The following OR51B5 variants were observed in gnomAD, a reference collection of about 807,000 sequenced individuals.
OR51B5 encodes the protein olfactory receptor family 51 subfamily B member 5.
For synonymous variants in OR51B5, 186 were observed against 144.8 expected, an observed-to-expected ratio of 1.28 and a Z score of -2.04; for missense variants, 456 against 374.6, an observed-to-expected ratio of 1.22 and a Z score of -1.79.
intron 1 of OR51B5, among the ~76,000 whole-genome samples, chr11:5,501,254 G>C (rs527493528): frequency 6.8e-5 from 10 of 147,688 alleles, no homozygotes; most frequent in African/African-American, 2.4e-4. Flanking sequence ...ACCTATGCCT[G>C]GGCTACAATA....
intron 1 of OR51B5, among the ~76,000 whole-genome samples, chr11:5,380,444 G>C (rs1406232902): frequency 6.6e-6 from 1 of 152,174 alleles, no homozygotes; most frequent in Non-Finnish European, 1.5e-5. Flanking sequence ...CTTCTGGGAA[G>C]GACTTGTTCT....
At chr11:5,395,445 C>T (rs888929456) in intron 1 of OR51B5, among the ~76,000 whole-genome samples, 1 of 152,138 alleles carries the variant, frequency 6.6e-6, no homozygotes, top group East Asian at 1.9e-4. Flanking sequence ...TGGAATAGGG[C>T]AGCTTCCAGG....
chr11:5,505,517 G>A (rs1846359570), intron 1 of OR51B5: 7 of 1,248,002 alleles, frequency 5.6e-6, no homozygotes, highest in African/African-American at 1.6e-5. Context: ...TGCTAATGAA[G>A]ATATACCCGA....
At chr11:5,500,219 C>T (rs1229466818) in intron 1 of OR51B5, among the ~76,000 whole-genome samples, 1 of 152,178 alleles carries the variant, frequency 6.6e-6, no homozygotes, top group Non-Finnish European at 1.5e-5. Flanking sequence ...CAGTAGTAAA[C>T]CCAACTGAAA....
chr11:5,389,735 A>T, intron 1 of OR51B5: 1 of 1,613,900 alleles, frequency 6.2e-7, no homozygotes, highest in South Asian at 1.1e-5. Context: ...TCAAATCCAG[A>T]TGTTCTGCAT....
rs545718875 is a variant in OR51B5, at chr11:5,389,404, A to C, written n.85-42494T>G. The C allele has an allele frequency of 1.7e-5, 27 of 1,610,800 alleles. No homozygotes were observed. In the South Asian group the frequency reaches 2.9e-4, roughly 17 times the overall value. ...TTCAGCTCAATCCCCGAGGAATGTC[A>C]GTCCAATATTCGCTCAGTCCTCAAT... On this transcript the variant is annotated intron_variant and non_coding_transcript_variant, in intron 1 of 4. Coordinates refer to the OR51B5 transcript ENST00000415970.
At chr11:5,407,757 C>T (rs942374678) in intron 1 of OR51B5, among the ~76,000 whole-genome samples, 2 of 150,538 alleles carry the variant, frequency 1.3e-5, no homozygotes, top group African/African-American at 4.9e-5. Context: ...CTTTTAATAT[C>T]TGTACTTTAT....
intron 1 of OR51B5, chr11:5,389,845 T>C (rs1472895366): frequency 5.6e-6 from 9 of 1,613,956 alleles, no homozygotes; most frequent in African/African-American, 5.3e-5. Context: ...TCATTATCAC[T>C]GGCCAGCAAG....
At chr11:5,428,015 G>A (rs1850474874) in intron 1 of OR51B5, among the ~76,000 whole-genome samples, 1 of 152,054 alleles carries the variant, frequency 6.6e-6, no homozygotes, top group Non-Finnish European at 1.5e-5. Flanking sequence ...ACATGTTCAT[G>A]TATTCTTAAA....
At chr11:5,380,855 G>A (rs893044640) in intron 1 of OR51B5, among the ~76,000 whole-genome samples, 1 of 152,148 alleles carries the variant, frequency 6.6e-6, no homozygotes, top group Non-Finnish European at 1.5e-5. Context: ...TGGAAGAAAA[G>A]CCACATTTTC....
intron 1 of OR51B5, chr11:5,403,474 T>C (rs772225383): frequency 2.3e-5 from 11 of 471,628 alleles, no homozygotes; most frequent in African/African-American, 4.0e-5. Flanking sequence ...AATCCTATTG[T>C]CTACAGCATT....
chr11:5,455,234 G>A (rs530690041), intron 1 of OR51B5: 36 of 152,080 alleles, frequency 2.4e-4, no homozygotes, highest in Admixed American at 2.4e-3. Flanking sequence ...TGGGGGAAAG[G>A]GGGAATTGTG....
intron 1 of OR51B5, among the ~76,000 whole-genome samples, chr11:5,433,920 C>T (rs1317954132): frequency 6.6e-6 from 1 of 152,194 alleles, no homozygotes; most frequent in Non-Finnish European, 1.5e-5. Flanking sequence ...CTCTTACTCT[C>T]TACACTCTTC....
intron 1 of OR51B5, among the ~76,000 whole-genome samples, chr11:5,495,086 A>G (rs1198760581): frequency 6.6e-6 from 1 of 152,224 alleles, no homozygotes; most frequent in African/African-American, 2.4e-5. Context: ...CCCATAAACA[A>G]GAATACCTTT....
At chr11:5,388,124 A>G (rs1009553076) in intron 1 of OR51B5, among the ~76,000 whole-genome samples, 27 of 152,168 alleles carry the variant, frequency 1.8e-4, no homozygotes, top group Admixed American at 5.9e-4. Context: ...ATATTGAAAT[A>G]ATTATTGAAA....
At chr11:5,434,062 T>C (rs1416785988) in intron 1 of OR51B5, among the ~76,000 whole-genome samples, 1 of 152,164 alleles carries the variant, frequency 6.6e-6, no homozygotes, top group Non-Finnish European at 1.5e-5. Flanking sequence ...GTTCTCAACC[T>C]TTGCTATGCA....
intron 1 of OR51B5, chr11:5,489,219 C>A: frequency 6.2e-7 from 1 of 1,613,968 alleles, no homozygotes; most frequent in East Asian, 2.2e-5. Context: ...GACTCCCCTA[C>A]TGTGGTCACC....
At chr11:5,385,290 T>A (rs977424668) in intron 1 of OR51B5, 1 of 152,218 alleles carries the variant, frequency 6.6e-6, no homozygotes, top group Non-Finnish European at 1.5e-5. Context: ...TAAAGCTTTC[T>A]TCCCAAGAGG....
At chr11:5,430,588 G>A (rs1850518503) in intron 1 of OR51B5, 1 of 399,114 alleles carries the variant, frequency 2.5e-6, no homozygotes, top group African/African-American at 2.1e-5. Context: ...GTAGAGCTTT[G>A]CCCATAGCAG....
Sources: gnomAD v4.1 joint callset for allele counts (sites outside exome capture counted in the v4.1 genomes callset) on GRCh38, gnomAD v4.1.1 for gene constraint, MANE v1.5 for transcripts, NCBI Gene and HGNC (gene_info 2026-07-23, HGNC 2026-07-21) for gene names.